Variants in LGSN observed in about 807,000 individuals in gnomAD.
LGSN encodes lengsin.
Under a neutral mutation model 19.5 loss-of-function variants are expected in LGSN, and 21 were observed. That is an observed-to-expected ratio of 1.07 (90% CI 0.76 to 1.55). LGSN has a LOEUF of 1.55. LGSN is among the 40% of genes most tolerant of loss of function. The pLI is 0.00. For missense variants in LGSN, 673 were observed against 608.5 expected (o/e 1.11, Z -1.12); for synonymous variants, 257 against 215.6 (o/e 1.19, Z -1.68).
the LGSN span, among the ~76,000 whole-genome samples, chr6:63,480,956 T>C: frequency 4.2e-5 from 1 of 23,704 alleles, no homozygotes; most frequent in Admixed American, 4.2e-4. Context: ...TATATATATA[T>C]ATATATATAT....
At chr6:63,555,054 A>T in the LGSN span, among the ~76,000 whole-genome samples, 12 of 152,338 alleles carry the variant, frequency 7.9e-5, no homozygotes, top group East Asian at 9.7e-4. Context: ...CAATTATTCC[A>T]TGTATTCCTG....
chr6:63,552,583 G>T, the LGSN span, among the ~76,000 whole-genome samples: 1,258 of 152,184 alleles, frequency 8.3e-3, 14 homozygotes, highest in African/African-American at 0.028. Context: ...CATTGCTTTT[G>T]GTGTTTTAGA....
chr6:63,413,851 T>C, the LGSN span, among the ~76,000 whole-genome samples: 1 of 152,214 alleles, frequency 6.6e-6, no homozygotes, highest in Non-Finnish European at 1.5e-5. Flanking sequence ...CCTTTAAAGT[T>C]AGTAATTATT....
chr6:63,438,103 T>C, the LGSN span, among the ~76,000 whole-genome samples: 1 of 152,144 alleles, frequency 6.6e-6, no homozygotes, highest in African/African-American at 2.4e-5. Context: ...TGAGTATATA[T>C]GTATATAATT....
At chr6:63,471,098 G>A in the LGSN span, among the ~76,000 whole-genome samples, 2 of 151,290 alleles carry the variant, frequency 1.3e-5, no homozygotes, top group Non-Finnish European at 1.5e-5. Context: ...TTACAGGCAT[G>A]CGCCACCATA....
At chr6:63,540,198 G>A in the LGSN span, among the ~76,000 whole-genome samples, 396 of 152,256 alleles carry the variant, frequency 2.6e-3, 1 homozygote, top group African/African-American at 9.0e-3. Context: ...ACAAAATGTG[G>A]TAGATGCACT....
At chr6:63,488,801 A>G in the LGSN span, among the ~76,000 whole-genome samples, 316 of 152,094 alleles carry the variant, frequency 2.1e-3, no homozygotes, top group Middle Eastern at 6.8e-3. Flanking sequence ...CTGGGCAACA[A>G]AGCAAGACTC....
chr6:63,363,287 C>T, the LGSN span, among the ~76,000 whole-genome samples: 1 of 152,196 alleles, frequency 6.6e-6, no homozygotes, highest in Non-Finnish European at 1.5e-5. Flanking sequence ...ATCAGAGTGC[C>T]TCTTCTCCTC....
At chr6:63,419,880 CAAAA>C in the LGSN span, among the ~76,000 whole-genome samples, 5 of 57,340 alleles carry the variant, frequency 8.7e-5, no homozygotes, top group Non-Finnish European at 1.2e-4. Context: ...AACTCCCTCC[CAAAA>C]AAAAAAAAAA....
chr6:63,291,871 T>C (rs189708146), intron 2 of LGSN, among the ~76,000 whole-genome samples: 82 of 152,338 alleles, frequency 5.4e-4, no homozygotes, highest in African/African-American at 1.9e-3. Flanking sequence ...ATTAAGGTTA[T>C]GGACCTTAAA....
intron 3 of LGSN, among the ~76,000 whole-genome samples, chr6:63,282,570 A>C (rs1486524833): frequency 1.3e-5 from 2 of 152,296 alleles, no homozygotes; most frequent in East Asian, 3.9e-4. Context: ...ATGGCTATCA[A>C]AGAGGGGCTG....
At chr6:63,453,996 T>C in the LGSN span, among the ~76,000 whole-genome samples, 11 of 152,160 alleles carry the variant, frequency 7.2e-5, no homozygotes, top group Non-Finnish European at 1.5e-4. Flanking sequence ...ATAAACTAGG[T>C]ACAGTTATTA....
the LGSN span, among the ~76,000 whole-genome samples, chr6:63,518,077 G>A: frequency 5.3e-5 from 8 of 151,574 alleles, no homozygotes; most frequent in Admixed American, 4.6e-4. Context: ...GCTTAAACCC[G>A]GGAGGCGGAG....
chr6:63,398,670 A>C, the LGSN span, among the ~76,000 whole-genome samples: 35 of 152,270 alleles, frequency 2.3e-4, 1 homozygote, highest in East Asian at 6.6e-3. Flanking sequence ...TTTTAAATAA[A>C]TTTAGTATAG....
intron 1 of LGSN, among the ~76,000 whole-genome samples, chr6:63,310,150 C>T (rs1768565185): frequency 2.0e-5 from 3 of 152,120 alleles, no homozygotes; most frequent in Admixed American, 1.3e-4. Flanking sequence ...TCCTTCTTTC[C>T]TAGGCTCCTG....
the LGSN span, among the ~76,000 whole-genome samples, chr6:63,394,213 G>A: frequency 0.11 from 16,215 of 152,104 alleles, 1,782 homozygotes; most frequent in African/African-American, 0.29. Flanking sequence ...GCAGTGAGCC[G>A]AGATCACGCC....
the LGSN span, among the ~76,000 whole-genome samples, chr6:63,338,278 T>C: frequency 1.3e-5 from 2 of 152,194 alleles, no homozygotes; most frequent in African/African-American, 4.8e-5. Context: ...ATAGGCACTC[T>C]AACATCACCA....
the LGSN span, among the ~76,000 whole-genome samples, chr6:63,412,529 G>GAAGGAAAGAAAGAAAGAAAGAAAGAAA: frequency 6.2e-5 from 2 of 32,400 alleles, no homozygotes; most frequent in Non-Finnish European, 1.1e-4. Context: ...AAAGAAAGAA[G>GAAGGAAAGAAAGAAAGAAAGAAAGAAA]GAAAGAAAGA....
At chr6:63,573,172 CGGA>C in the LGSN span, 2 of 154,318 alleles carry the variant, frequency 1.3e-5, no homozygotes, top group Non-Finnish European at 2.9e-5. Flanking sequence ...TTTGTTCGGC[CGGA>C]GGAGAGTGGC....
Sources: allele counts gnomAD v4.1 joint callset (sites outside exome capture counted in the v4.1 genomes callset), GRCh38; gene constraint gnomAD v4.1.1; transcripts MANE v1.5; gene names NCBI Gene and HGNC (gene_info 2026-07-23, HGNC 2026-07-21).